Variants in PDK1 observed in about 807,000 individuals in gnomAD.
The protein encoded by PDK1 is pyruvate dehydrogenase kinase 1.
A neutral mutation model predicts 54.2 loss-of-function variants in PDK1; 39 were observed. The ratio of observed to expected loss-of-function variants is 0.72; its 90% CI spans 0.56 to 0.94. The LOEUF is 0.94. Among genes scored for constraint, PDK1 ranks in the 40% least tolerant of loss-of-function variants. The pLI is 0.00. For synonymous variants in PDK1, 221 were observed against 207.1 expected (o/e 1.07, Z -0.58); for missense variants, 552 against 566.0 (o/e 0.98, Z 0.25).
chr2:172,579,990 C>A lies in PDK1; in HGVS notation c.946-6288C>A, dbSNP rs767585. Among the ~76,000 whole-genome samples the A allele has an allele frequency of 3.3e-5, 5 of 152,044 alleles. No individual in the cohort carries two copies. The East Asian group carries it at 9.7e-4, about 29-fold the overall frequency. ...TCTATTGAACTTTTATTTCCATTAT[C>A]TTACAAATTTCCAAGAATCCTTATT... On this transcript the variant is annotated intron_variant, in intron 8 of 10. Transcript: ENST00000282077.
chr2:172,622,048 A>ATATGTGAGATATGTTTATATCATATAT, the PDK1 span, among the ~76,000 whole-genome samples: 2 of 147,330 alleles, frequency 1.4e-5, no homozygotes, highest in Non-Finnish European at 3.0e-5. Flanking sequence ...TATATCTCAT[A>ATATGTGAGATATGTTTATATCATATAT]TATGTGAGAT....
chr2:172,707,964 C>T, the PDK1 span, among the ~76,000 whole-genome samples: 1 of 152,134 alleles, frequency 6.6e-6, no homozygotes, highest in Non-Finnish European at 1.5e-5. Context: ...AGGAGGGAAG[C>T]AGAGTGCTTA....
At chr2:172,566,401 A>G (rs989421645) in intron 5 of PDK1, among the ~76,000 whole-genome samples, 4 of 152,138 alleles carry the variant, frequency 2.6e-5, no homozygotes, top group Admixed American at 2.0e-4. Flanking sequence ...CTGAAAATAC[A>G]AAAATTAGCT....
At chr2:172,656,123 C>A in the PDK1 span, among the ~76,000 whole-genome samples, 1 of 152,118 alleles carries the variant, frequency 6.6e-6, no homozygotes, top group African/African-American at 2.4e-5. Flanking sequence ...TCTTTAAGAC[C>A]TGAGATTATC....
rs1312396268 is a variant in PDK1 at position 172,601,646 on chromosome 2, C to T, written c.*5677C>T. ...CAATCCTTTTTATTATAAATTACCC[C>T]GTCTCAGGCAGTTCTTTATAGCAGT... On this transcript the variant is annotated 3_prime_UTR_variant, in exon 11 of 11. Transcript: ENST00000282077. The T allele has an allele frequency of 6.6e-6, 1 of 152,104 alleles. No homozygotes were observed. The highest frequency in any genetic ancestry group is 1.9e-4 in the East Asian group (1 of 5,184). The allele number at this position is 152,104 out of a possible 1,614,324, so 9.4% of individuals were successfully genotyped here.
the PDK1 span, among the ~76,000 whole-genome samples, chr2:172,624,952 C>T: frequency 6.6e-6 from 1 of 151,724 alleles, no homozygotes; most frequent in Non-Finnish European, 1.5e-5. Context: ...CGCACCATTG[C>T]ACTCCAGCCT....
At chr2:172,672,335 G>T in the PDK1 span, among the ~76,000 whole-genome samples, 1 of 152,180 alleles carries the variant, frequency 6.6e-6, no homozygotes, top group African/African-American at 2.4e-5. Context: ...TGAATCACCA[G>T]TTCTCTAGAT....
intron 8 of PDK1, among the ~76,000 whole-genome samples, chr2:172,572,262 A>G (rs554546291): frequency 3.3e-5 from 5 of 152,268 alleles, no homozygotes; most frequent in East Asian, 1.9e-4. Flanking sequence ...TATTATCCCA[A>G]TATTTAAGTT....
chr2:172,697,332 G>A, the PDK1 span, among the ~76,000 whole-genome samples: 2 of 152,054 alleles, frequency 1.3e-5, no homozygotes, highest in African/African-American at 4.8e-5. Context: ...TAAATGGCAC[G>A]TTTAATTTTA....
At chr2:172,562,665 C>G in intron 3 of PDK1, 1 of 817,166 alleles carries the variant, frequency 1.2e-6, no homozygotes, top group South Asian at 1.5e-5. Flanking sequence ...AGGAAAGCTA[C>G]AAGTCTAGAT....
the PDK1 span, among the ~76,000 whole-genome samples, chr2:172,700,086 A>AT: frequency 6.6e-6 from 1 of 152,196 alleles, no homozygotes; most frequent in East Asian, 1.9e-4. Context: ...AAGGCCATAG[A>AT]TTAACAGCAT....
At chr2:172,705,386 G>C in the PDK1 span, among the ~76,000 whole-genome samples, 1 of 152,280 alleles carries the variant, frequency 6.6e-6, no homozygotes, top group Admixed American at 6.5e-5. Context: ...ATTAATTCTT[G>C]ACATTTTAAG....
At chr2:172,627,501 CAAGA>C in the PDK1 span, among the ~76,000 whole-genome samples, 14 of 152,172 alleles carry the variant, frequency 9.2e-5, no homozygotes, top group Non-Finnish European at 1.5e-4. Context: ...TGCACAGTAT[CAAGA>C]AAGCCATACA....
At chr2:172,563,924 T>C in intron 3 of PDK1, 1 of 443,608 alleles carries the variant, frequency 2.3e-6, no homozygotes. Context: ...CTAGATGATT[T>C]GAAGATTTGT....
chr2:172,637,396 C>A, the PDK1 span, among the ~76,000 whole-genome samples: 1 of 152,102 alleles, frequency 6.6e-6, no homozygotes, highest in Non-Finnish European at 1.5e-5. Context: ...TAATGCCTAC[C>A]AAACAGCCTC....
Position 172,558,689 on chromosome 2 carries a change from C to G in PDK1, c.197-19C>G, listed in dbSNP as rs745486054. On this transcript the variant is annotated intron_variant, in intron 1 of 10. Coordinates refer to ENST00000282077, the MANE Select transcript of PDK1 (RefSeq NM_002610.5). Reference sequence around the variant, plus strand: ...TTATGGCTTTTACTTACTGCTTTACCCATCATGTTTGGTTTCAGGATCAGT... The same window carrying G: ...TTATGGCTTTTACTTACTGCTTTACGCATCATGTTTGGTTTCAGGATCAGT... The G allele has an allele frequency of 6.3e-7, 1 of 1,584,804 alleles. No homozygotes were observed. Among genetic ancestry groups the G allele is most frequent in the Non-Finnish European group, 8.5e-7 (1 of 1,170,216 alleles).
At position 172,556,340 on chromosome 2, in the gene PDK1, G is replaced by T; in HGVS notation, c.190G>T (p.Asp64Tyr). The T allele has an allele frequency of 6.9e-7, 1 of 1,452,810 alleles. No homozygotes were observed. The allele number at this position is 1,452,810 out of a possible 1,614,324, so 90.0% of individuals were successfully genotyped here. A position where few individuals can be genotyped will look rare whatever the true frequency, so the allele number is the denominator to read the frequency against. The change falls in exon 1 of 11, where the codon GAC (aspartate) becomes TAC (tyrosine). Residue 64 changes from aspartate to tyrosine, a missense_variant. Asp to Tyr is a radical substitution (Grantham distance 160). Transcript: ENST00000282077. ...PSPLSMKQFL[D>Y]FGSVNACEKT... ...CCCGCTCTCCATGAAGCAGTTCCTGGACTTCGGTGAGTGCGGCCCGGGACC... is the reference window on the plus strand; with the variant it reads ...CCCGCTCTCCATGAAGCAGTTCCTGTACTTCGGTGAGTGCGGCCCGGGACC...
the PDK1 span, among the ~76,000 whole-genome samples, chr2:172,621,250 G>C: frequency 6.6e-6 from 1 of 152,150 alleles, no homozygotes; most frequent in African/African-American, 2.4e-5. Context: ...TGAGTCAGTG[G>C]GCTGGGAAAG....
At chr2:172,576,797 T>C (rs1482617070) in intron 8 of PDK1, among the ~76,000 whole-genome samples, 1 of 152,182 alleles carries the variant, frequency 6.6e-6, no homozygotes, top group Non-Finnish European at 1.5e-5. Flanking sequence ...ATCATTTAAA[T>C]TTCATTCTGT....
Sources: gnomAD v4.1 joint callset for allele counts (sites outside exome capture counted in the v4.1 genomes callset) on GRCh38, gnomAD v4.1.1 for gene constraint, MANE v1.5 for transcripts, NCBI Gene and HGNC (gene_info 2026-07-23, HGNC 2026-07-21) for gene names.